HTR2C: variants seen among roughly 807,000 people sequenced by gnomAD.
HTR2C encodes the protein 5-hydroxytryptamine receptor 2C.
Under a neutral mutation model 21.0 loss-of-function variants are expected in HTR2C, and 5 were observed. The ratio of observed to expected loss-of-function variants is 0.24; its 90% CI spans 0.12 to 0.50. HTR2C has a LOEUF of 0.50. Among genes scored for constraint, HTR2C ranks in the 20% least tolerant of loss-of-function variants. The pLI is 0.98. For synonymous variants in HTR2C, 150 were observed against 145.3 expected, an observed-to-expected ratio of 1.03 and a Z score of -0.23; for missense variants, 271 against 371.2, an observed-to-expected ratio of 0.73 and a Z score of 2.22.
chrX:114,708,481 C>CAT (rs1932838448), intron 2 of HTR2C, among the ~76,000 whole-genome samples: 1 of 111,430 alleles, frequency 9.0e-6, no homozygotes, highest in Non-Finnish European at 1.9e-5. Context: ...GGTTTAGAGA[C>CAT]ATAGAGTTGG....
chrX:114,738,009 T>C (rs1286925687), intron 4 of HTR2C, among the ~76,000 whole-genome samples: 4 of 112,352 alleles, frequency 3.6e-5, no homozygotes, highest in African/African-American at 9.7e-5. Context: ...TGACTATTAA[T>C]GCAAAAATAC....
At chrX:114,712,144 T>A (rs1932901448) in intron 2 of HTR2C, among the ~76,000 whole-genome samples, 1 of 112,199 alleles carries the variant, frequency 8.9e-6, no homozygotes, top group African/African-American at 3.2e-5. Context: ...TCATATGCAG[T>A]TTTGAAAAGT....
intron 4 of HTR2C, among the ~76,000 whole-genome samples, chrX:114,817,795 T>C (rs1462850711): frequency 9.0e-6 from 1 of 110,992 alleles, no homozygotes; most frequent in Non-Finnish European, 1.9e-5. Flanking sequence ...ACACCAATCC[T>C]TCAAAAACTA....
At chrX:114,761,887 A>ATG (rs1341490636) in intron 4 of HTR2C, among the ~76,000 whole-genome samples, 1 of 107,123 alleles carries the variant, frequency 9.3e-6, no homozygotes, top group African/African-American at 3.6e-5. Flanking sequence ...ATATATATAT[A>ATG]TGTGTATATA....
chrX:114,892,616 T>C (rs10875535), intron 5 of HTR2C, among the ~76,000 whole-genome samples: 4,163 of 110,840 alleles, frequency 0.038, 72 homozygotes, highest in East Asian at 0.11. Flanking sequence ...GGTATTTCCA[T>C]ATACTCACAA....
At chrX:114,695,373 A>G (rs1932248257) in intron 2 of HTR2C, among the ~76,000 whole-genome samples, 2 of 111,731 alleles carry the variant, frequency 1.8e-5, no homozygotes, top group Admixed American at 9.5e-5. Flanking sequence ...TTGGTTGTGC[A>G]TGAGTAGAGA....
At chrX:114,629,448 A>G (rs1384874217) in intron 2 of HTR2C, among the ~76,000 whole-genome samples, 1 of 111,932 alleles carries the variant, frequency 8.9e-6, no homozygotes, top group African/African-American at 3.2e-5. Context: ...AAAGTTCCAA[A>G]CCTCAACTTT....
At chrX:114,820,908 C>A (rs1247694271) in intron 4 of HTR2C, among the ~76,000 whole-genome samples, 1 of 111,410 alleles carries the variant, frequency 9.0e-6, no homozygotes, top group African/African-American at 3.3e-5. Context: ...CCCCTTAGAA[C>A]CCTCAGGAGT....
At chrX:114,628,213 T>G (rs1929455582) in intron 2 of HTR2C, among the ~76,000 whole-genome samples, 1 of 110,544 alleles carries the variant, frequency 9.0e-6, no homozygotes, top group East Asian at 2.8e-4. Flanking sequence ...GCAGGAGTCT[T>G]TTATCTTGAT....
intron 4 of HTR2C, among the ~76,000 whole-genome samples, chrX:114,765,837 G>C (rs2069942449): frequency 9.0e-6 from 1 of 111,215 alleles, no homozygotes; most frequent in Non-Finnish European, 1.9e-5. Flanking sequence ...TTTTATTTCA[G>C]TTCAGTTCAG....
chrX:114,701,070 G>C (rs1932468263), intron 2 of HTR2C, among the ~76,000 whole-genome samples: 1 of 112,238 alleles, frequency 8.9e-6, no homozygotes, highest in Non-Finnish European at 1.9e-5. Context: ...CTCGAACTGG[G>C]TGGAACCCAC....
intron 4 of HTR2C, among the ~76,000 whole-genome samples, chrX:114,796,222 A>T (rs186228629): frequency 1.7e-3 from 186 of 111,421 alleles, no homozygotes; most frequent in Non-Finnish European, 1.8e-3. Flanking sequence ...TCACATAAAG[A>T]TTAAGTGTTG....
At chrX:114,600,241 C>A (rs1163816098) in intron 1 of HTR2C, among the ~76,000 whole-genome samples, 1 of 112,395 alleles carries the variant, frequency 8.9e-6, no homozygotes, top group Non-Finnish European at 1.9e-5. Flanking sequence ...TGTCTAATTA[C>A]AAAGGTTGTG....
chrX:114,847,095 A>T (rs1485501950), intron 4 of HTR2C, among the ~76,000 whole-genome samples: 3 of 111,371 alleles, frequency 2.7e-5, no homozygotes, highest in Non-Finnish European at 5.7e-5. Context: ...GATACATGCT[A>T]CGAAATAGAT....
At chrX:114,892,920 A>T (rs1011469098) in intron 5 of HTR2C, among the ~76,000 whole-genome samples, 9 of 101,984 alleles carry the variant, frequency 8.8e-5, no homozygotes, top group Admixed American at 1.1e-4. Flanking sequence ...TTTTATTTTT[A>T]TTTTTTTTTT....
chrX:114,818,551 C>T (rs1403570345), intron 4 of HTR2C, among the ~76,000 whole-genome samples: 1 of 111,802 alleles, frequency 8.9e-6, no homozygotes, highest in African/African-American at 3.2e-5. Flanking sequence ...CTGATCACTT[C>T]AAGCAACAGC....
intron 4 of HTR2C, among the ~76,000 whole-genome samples, chrX:114,749,558 T>C (rs1214357332): frequency 1.0e-5 from 1 of 99,973 alleles, no homozygotes; most frequent in Admixed American, 1.1e-4. Flanking sequence ...GCAAATAGGA[T>C]GAAAGAGAAT....
chrX:114,715,149 C>T, intron 2 of HTR2C: 1 of 251,237 alleles, frequency 4.0e-6, no homozygotes, highest in Non-Finnish European at 8.3e-6. Context: ...AGAAACTGAC[C>T]CTTCAACTTT....
At chrX:114,611,787 T>A (rs1928746924) in intron 1 of HTR2C, among the ~76,000 whole-genome samples, 1 of 111,732 alleles carries the variant, frequency 8.9e-6, no homozygotes, top group Admixed American at 9.5e-5. Flanking sequence ...AAACTCCGCC[T>A]CCCGGGTTCA....
Sources: allele counts gnomAD v4.1 joint callset (sites outside exome capture counted in the v4.1 genomes callset), GRCh38; gene constraint gnomAD v4.1.1; transcripts MANE v1.5; gene names NCBI Gene and HGNC (gene_info 2026-07-23, HGNC 2026-07-21).